GNAI1: variants seen among roughly 807,000 people sequenced by gnomAD.
The protein encoded by GNAI1 is G protein subunit alpha i1.
In GNAI1, 11 loss-of-function variants were observed where a neutral mutation model predicts 38.9. That is an observed-to-expected ratio of 0.28 (90% confidence interval 0.18 to 0.47). The LOEUF (loss-of-function observed/expected upper bound fraction) is 0.47. Ranked by LOEUF, GNAI1 falls within the 20% of genes least tolerant of loss-of-function variation. The probability of loss-of-function intolerance (pLI) is 0.99; values close to 1 mark genes in which losing one functional copy is unlikely to be tolerated. For missense variants in GNAI1, 317 were observed against 436.9 expected (o/e 0.73, Z 2.45); for synonymous variants, 166 against 145.1 (o/e 1.14, Z -1.04).
intron 1 of GNAI1, among the ~76,000 whole-genome samples, chr7:80,140,825 T>C (rs1371650198): frequency 3.3e-5 from 5 of 152,130 alleles, no homozygotes; most frequent in African/African-American, 1.2e-4. Flanking sequence ...CCAAAAAGGG[T>C]TTCCACTGGG....
intron 5 of GNAI1, among the ~76,000 whole-genome samples, chr7:80,204,486 T>A (rs1788739797): frequency 6.6e-6 from 1 of 152,154 alleles, no homozygotes; most frequent in Non-Finnish European, 1.5e-5. Flanking sequence ...AAATATCATA[T>A]TCAAATTTAC....
At chr7:80,206,038 A>G (rs539765157) in intron 5 of GNAI1, among the ~76,000 whole-genome samples, 1 of 152,240 alleles carries the variant, frequency 6.6e-6, no homozygotes, top group African/African-American at 2.4e-5. Context: ...TCTCATAAAG[A>G]AGTCTCACTG....
At chr7:80,159,882 G>C (rs946728586) in intron 1 of GNAI1, among the ~76,000 whole-genome samples, 6 of 152,186 alleles carry the variant, frequency 3.9e-5, no homozygotes, top group South Asian at 4.1e-4. Context: ...ACATCTCATA[G>C]GGATTGCGTG....
intron 3 of GNAI1, among the ~76,000 whole-genome samples, chr7:80,193,700 A>G (rs1788519185): frequency 6.6e-6 from 1 of 152,182 alleles, no homozygotes; most frequent in African/African-American, 2.4e-5. Flanking sequence ...GGATATAGAA[A>G]TTAAATGTAA....
rs67345654 is a variant in GNAI1 at position 80,222,382 on chromosome 7, A to ATTTTTTTTTTTT, written c.*4897_*4908dup. Among the ~76,000 whole-genome samples the ATTTTTTTTTTTT allele has an allele frequency of 5.5e-5, 7 of 127,870 alleles. No individual in the cohort carries two copies. The highest frequency in any genetic ancestry group is 8.1e-5 in the Non-Finnish European group (5 of 61,958). The allele number at this position is 127,870 out of a possible 152,430, so 83.9% of individuals were successfully genotyped here. A position where few individuals can be genotyped will look rare whatever the true frequency, so the allele number is the denominator to read the frequency against. ...TGAAGGAGCTAGTTCTTCAAATTTA[A>ATTTTTTTTTTTT]TTTTTTTTTTTTTTTTTTTCCTGAG... On this transcript the variant is annotated 3_prime_UTR_variant, in exon 8 of 8. Coordinates refer to ENST00000649796, the MANE Select transcript of GNAI1 (RefSeq NM_002069.6).
intron 1 of GNAI1, among the ~76,000 whole-genome samples, chr7:80,179,464 T>G (rs564812714): frequency 2.6e-5 from 4 of 152,298 alleles, no homozygotes; most frequent in African/African-American, 9.6e-5. Context: ...GGCAAACTTG[T>G]TTTACCTGCC....
At chr7:80,184,945 A>G (rs564747423) in intron 1 of GNAI1, among the ~76,000 whole-genome samples, 6 of 152,296 alleles carry the variant, frequency 3.9e-5, no homozygotes, top group African/African-American at 1.4e-4. Flanking sequence ...CCGGCCACTT[A>G]GTCACCTTGA....
At chr7:80,152,222 A>G (rs1787740019) in intron 1 of GNAI1, among the ~76,000 whole-genome samples, 1 of 152,110 alleles carries the variant, frequency 6.6e-6, no homozygotes, top group African/African-American at 2.4e-5. Context: ...GTCCTCTGTT[A>G]TGCTTCTTTC....
rs1362027700 is a variant in GNAI1 at position 80,199,392 on chromosome 7, C to T, written c.461+10C>T. On this transcript the variant is annotated intron_variant, in intron 4 of 7. Coordinates refer to ENST00000649796, the MANE Select transcript of GNAI1 (RefSeq NM_002069.6). Reference sequence around the variant, plus strand: ...ATGATTCTGCAGCATAGTAAGTAATCATAACTTCAGAACTAAACTATCATG... The same window carrying T: ...ATGATTCTGCAGCATAGTAAGTAATTATAACTTCAGAACTAAACTATCATG... 3.2e-6 allele frequency: 5 copies of T among 1,573,350 alleles called. No individual in the cohort carries two copies. In the African/African-American group the frequency reaches 6.8e-5, roughly 21 times the overall value.
At chr7:80,135,700 G>A in intron 1 of GNAI1, 2 of 531,020 alleles carry the variant, frequency 3.8e-6, no homozygotes, top group South Asian at 8.3e-5. Context: ...CTTCGTGTGC[G>A]GTGTAGGTTG....
intron 1 of GNAI1, among the ~76,000 whole-genome samples, chr7:80,160,945 A>T (rs1414318992): frequency 6.6e-6 from 1 of 152,138 alleles, no homozygotes; most frequent in Non-Finnish European, 1.5e-5. Flanking sequence ...AGAACACCAA[A>T]TTTCCACAAA....
intron 1 of GNAI1, among the ~76,000 whole-genome samples, chr7:80,178,786 G>A (rs572629737): frequency 2.3e-4 from 35 of 152,228 alleles, no homozygotes; most frequent in Non-Finnish European, 1.0e-4. Flanking sequence ...AATAGAACCC[G>A]TAATATCTCT....
chr7:80,148,531 TAAAA>T (rs66761937), intron 1 of GNAI1, among the ~76,000 whole-genome samples: 44,297 of 150,678 alleles, frequency 0.29, 6,984 homozygotes, highest in Admixed American at 0.35. Flanking sequence ...ATTTTAAAAT[TAAAA>T]AAAAAACAAA....
At chr7:80,191,466 A>C (rs367839542) in intron 3 of GNAI1, among the ~76,000 whole-genome samples, 13 of 152,112 alleles carry the variant, frequency 8.5e-5, no homozygotes, top group African/African-American at 2.9e-4. Context: ...ATCTCAGCTC[A>C]CTGCAACCTC....
chr7:80,141,729 C>T (rs1230932200), intron 1 of GNAI1, among the ~76,000 whole-genome samples: 2 of 152,234 alleles, frequency 1.3e-5, no homozygotes, highest in Non-Finnish European at 2.9e-5. Flanking sequence ...TTTCCTGTCC[C>T]GTTTTACTGT....
At chr7:80,210,822 C>A in intron 5 of GNAI1, 147 bp from the exon 6 acceptor site, 3 of 453,114 alleles carry the variant, frequency 6.6e-6, no homozygotes, top group Non-Finnish European at 1.1e-5. Context: ...CAGTTTGTGA[C>A]ATTTTTTTCT....
Position 80,145,746 on chromosome 7 carries a change from G to A in GNAI1, c.118+10468G>A, listed in dbSNP as rs537819821. ...ATTTATGGTGTCTTGACTCTGTCTCGAGGTAAATTGTGTCCTCTTATAATT... is the reference window on the plus strand; with the variant it reads ...ATTTATGGTGTCTTGACTCTGTCTCAAGGTAAATTGTGTCCTCTTATAATT... On this transcript the variant is annotated intron_variant, in intron 1 of 7. Transcript: ENST00000649796. Among the ~76,000 whole-genome samples, 16 of 152,168 alleles carry A rather than the reference G, an allele frequency of 1.1e-4. 1 individual carries two copies. The South Asian group carries it at 2.9e-3, about 28-fold the overall frequency.
In GNAI1 at chr7:80,218,752, G is replaced by A. The variant is rs1033784200; in HGVS notation, c.*1259G>A. On this transcript the variant is annotated 3_prime_UTR_variant, in exon 8 of 8. Coordinates refer to ENST00000649796, the MANE Select transcript of GNAI1 (RefSeq NM_002069.6). Reference sequence around the variant, plus strand: ...TATTATTTCTGAGAATGAAATGGACGATTACACTTAGAAAATGAGTAATAG... The same window carrying A: ...TATTATTTCTGAGAATGAAATGGACAATTACACTTAGAAAATGAGTAATAG... The A allele has an allele frequency of 2.6e-5, 4 of 152,026 alleles. No individual in the cohort carries two copies. Among genetic ancestry groups the A allele is most frequent in the African/African-American group, 9.6e-5 (4 of 41,478 alleles). 9.4% of individuals were successfully genotyped at this position (152,026 alleles called of 1,614,324 possible). A position where few individuals can be genotyped will look rare whatever the true frequency, so the allele number is the denominator to read the frequency against.
intron 5 of GNAI1, 60 bp downstream of exon 5, chr7:80,203,892 T>C (rs1349810545): frequency 5.1e-6 from 5 of 984,128 alleles, no homozygotes; most frequent in African/African-American, 1.7e-5. Flanking sequence ...GCTTTAGAAA[T>C]AAAAAGTGTA....
Sources: allele counts gnomAD v4.1 joint callset (sites outside exome capture counted in the v4.1 genomes callset), GRCh38; gene constraint gnomAD v4.1.1; transcripts MANE v1.5; gene names NCBI Gene and HGNC (gene_info 2026-07-23, HGNC 2026-07-21).